Variants in CLSTN2 observed in about 807,000 individuals in gnomAD.
CLSTN2 encodes calsyntenin-2.
CLSTN2 carries 48 observed loss-of-function variants against 101.2 expected under a neutral mutation model. The ratio of observed to expected loss-of-function variants is 0.47; its 90% CI spans 0.38 to 0.60. CLSTN2 has a LOEUF of 0.60. Ranked by LOEUF, CLSTN2 falls within the 20% of genes least tolerant of loss-of-function variation. The pLI is 0.00. For synonymous variants in CLSTN2, 481 were observed against 463.6 expected, an observed-to-expected ratio of 1.04 and a Z score of -0.48; for missense variants, 1,160 against 1,238.2, an observed-to-expected ratio of 0.94 and a Z score of 0.95.
intron 1 of CLSTN2, among the ~76,000 whole-genome samples, chr3:139,937,704 A>G (rs1486029060): frequency 6.6e-6 from 1 of 152,152 alleles, no homozygotes; most frequent in Non-Finnish European, 1.5e-5. Context: ...AGATCGCGCT[A>G]TTACACTCCA....
intron 1 of CLSTN2, among the ~76,000 whole-genome samples, chr3:140,146,940 C>T (rs1248537045): frequency 1.3e-5 from 2 of 152,220 alleles, no homozygotes; most frequent in Non-Finnish European, 2.9e-5. Context: ...GCACTAAGCT[C>T]TGTTTCAAAC....
chr3:140,280,949 G>A (rs1203444987), intron 2 of CLSTN2, among the ~76,000 whole-genome samples: 1 of 152,202 alleles, frequency 6.6e-6, no homozygotes, highest in Non-Finnish European at 1.5e-5. Flanking sequence ...CCAGGGTGCT[G>A]TATTGAGAAG....
At chr3:140,075,398 T>C (rs1378877755) in intron 1 of CLSTN2, among the ~76,000 whole-genome samples, 2 of 152,218 alleles carry the variant, frequency 1.3e-5, no homozygotes, top group African/African-American at 4.8e-5. Context: ...GTTTGTATTA[T>C]AATTTCTTTT....
chr3:140,322,962 T>C (rs992480588), intron 2 of CLSTN2, among the ~76,000 whole-genome samples: 1 of 152,258 alleles, frequency 6.6e-6, no homozygotes, highest in Non-Finnish European at 1.5e-5. Flanking sequence ...TTTTCTCTAA[T>C]GATCTGATCC....
At chr3:140,458,866 C>G (rs1933484439) in intron 6 of CLSTN2, among the ~76,000 whole-genome samples, 1 of 152,202 alleles carries the variant, frequency 6.6e-6, no homozygotes, top group Non-Finnish European at 1.5e-5. Flanking sequence ...ACAAAGCTAG[C>G]AAATTTTGCT....
intron 2 of CLSTN2, among the ~76,000 whole-genome samples, chr3:140,309,707 C>T (rs147300306): frequency 5.9e-5 from 9 of 152,224 alleles, no homozygotes; most frequent in South Asian, 2.1e-4. Context: ...GTCACCCCCA[C>T]GTGCCCTACC....
intron 2 of CLSTN2, among the ~76,000 whole-genome samples, chr3:140,316,012 G>A (rs987188710): frequency 1.3e-5 from 2 of 152,160 alleles, no homozygotes; most frequent in Admixed American, 1.3e-4. Flanking sequence ...ATTTACCCTT[G>A]TTCTAATTCT....
At chr3:140,333,496 C>T (rs1056027997) in intron 2 of CLSTN2, among the ~76,000 whole-genome samples, 2 of 152,118 alleles carry the variant, frequency 1.3e-5, no homozygotes, top group South Asian at 2.1e-4. Flanking sequence ...TAAGCTTTCC[C>T]AGGACCCCTG....
chr3:140,450,802 T>C (rs1299912523), intron 6 of CLSTN2, among the ~76,000 whole-genome samples: 1 of 151,930 alleles, frequency 6.6e-6, no homozygotes, highest in Non-Finnish European at 1.5e-5. Flanking sequence ...CAAGTAAAAA[T>C]ATTTAGAACT....
intron 8 of CLSTN2, among the ~76,000 whole-genome samples, chr3:140,524,374 G>A (rs1418980252): frequency 1.3e-5 from 2 of 152,220 alleles, no homozygotes; most frequent in East Asian, 1.9e-4. Flanking sequence ...TACGTGTGAA[G>A]TGAAAATATA....
intron 1 of CLSTN2, among the ~76,000 whole-genome samples, chr3:139,993,944 G>A (rs1008610028): frequency 6.6e-6 from 1 of 152,182 alleles, no homozygotes; most frequent in Non-Finnish European, 1.5e-5. Context: ...CAGTCCTTGG[G>A]AGCTATTTTC....
intron 1 of CLSTN2, among the ~76,000 whole-genome samples, chr3:140,075,874 C>G (rs2008479005): frequency 1.3e-5 from 2 of 152,058 alleles, no homozygotes; most frequent in African/African-American, 4.8e-5. Flanking sequence ...ACCAAATTCT[C>G]TTGCCCTGCA....
intron 1 of CLSTN2, among the ~76,000 whole-genome samples, chr3:139,998,335 C>CTTTTTTTTTTTTTTTTTTTTTTTTTT (rs1290360293): frequency 2.4e-4 from 5 of 20,430 alleles, no homozygotes; most frequent in Non-Finnish European, 3.9e-4. Context: ...CCCCCACATG[C>CTTTTTTTTTTTTTTTTTTTTTTTTTT]CTTTTTTTTT....
At chr3:140,302,202 T>C (rs1448217311) in intron 2 of CLSTN2, among the ~76,000 whole-genome samples, 1 of 152,206 alleles carries the variant, frequency 6.6e-6, no homozygotes. Context: ...TTTTTCCATT[T>C]AGAAAAACAT....
intron 8 of CLSTN2, among the ~76,000 whole-genome samples, chr3:140,504,951 C>T (rs945135599): frequency 6.6e-6 from 1 of 152,138 alleles, no homozygotes. Context: ...GGCAAATATC[C>T]GTAACAGCCT....
At position 140,558,594 on chromosome 3, in the gene CLSTN2, TTTAA is replaced by T. The variant is rs747561707; in HGVS notation, c.1824-43_1824-40del. 2.0e-6 allele frequency: 3 copies of T among 1,524,966 alleles called. No individual in the cohort carries two copies. The East Asian group carries it at 6.8e-5, about 35-fold the overall frequency. The allele number at this position is 1,524,966 out of a possible 1,614,324, so 94.5% of individuals were successfully genotyped here. A position where few individuals can be genotyped will look rare whatever the true frequency, so the allele number is the denominator to read the frequency against. On this transcript the variant is annotated intron_variant, in intron 11 of 16. Transcript: ENST00000458420. ...TTGTTCCTGGCTGTATGACAGATGG[TTTAA>T]TTGTTTGCTCATCAGTGCCATGACC... is the stretch of plus-strand genomic sequence containing the variant.
intron 9 of CLSTN2, among the ~76,000 whole-genome samples, chr3:140,541,136 T>C (rs147542228): frequency 6.6e-6 from 1 of 151,920 alleles, no homozygotes; most frequent in Non-Finnish European, 1.5e-5. Flanking sequence ...AAGCCACATC[T>C]CATTGTCTGG....
chr3:140,117,467 G>A (rs2009264506), intron 1 of CLSTN2, among the ~76,000 whole-genome samples: 1 of 152,272 alleles, frequency 6.6e-6, no homozygotes, highest in African/African-American at 2.4e-5. Context: ...GATTTTATGA[G>A]GTAAAGTGGG....
intron 1 of CLSTN2, among the ~76,000 whole-genome samples, chr3:140,114,103 T>C (rs1055014995): frequency 3.9e-5 from 6 of 152,122 alleles, no homozygotes; most frequent in African/African-American, 1.4e-4. Context: ...TCAGATTCCT[T>C]GCCTTGCCCA....
Sources: allele counts gnomAD v4.1 joint callset (sites outside exome capture counted in the v4.1 genomes callset), GRCh38; gene constraint gnomAD v4.1.1; transcripts MANE v1.5; gene names NCBI Gene and HGNC (gene_info 2026-07-23, HGNC 2026-07-21).